PCDHA7: variants seen among roughly 807,000 people sequenced by gnomAD.
The protein encoded by PCDHA7 is protocadherin alpha 7.
In PCDHA7, 37 loss-of-function variants were observed where a neutral mutation model predicts 57.2. That is an observed-to-expected ratio of 0.65 (90% CI 0.50 to 0.85). The LOEUF is 0.85. Ranked by LOEUF, PCDHA7 falls within the 40% of genes least tolerant of loss-of-function variation. The pLI, the probability that PCDHA7 is intolerant of heterozygous loss-of-function variation, is 0.00. For missense variants in PCDHA7, 1,188 were observed against 1,241.8 expected, an observed-to-expected ratio of 0.96 and a Z score of 0.65; for synonymous variants, 553 against 558.8, an observed-to-expected ratio of 0.99 and a Z score of 0.15.
chr5:140,927,670 C>A lies in PCDHA7; in HGVS notation c.2356-51279C>A, dbSNP rs1006141153. ...GTTATTCCGAGTTCAAGCCTTGGATCCAGATGAAGGGTCCAATGGGGAAGT... is the reference window on the plus strand; with the variant it reads ...GTTATTCCGAGTTCAAGCCTTGGATACAGATGAAGGGTCCAATGGGGAAGT... On this transcript the variant is annotated intron_variant, in intron 1 of 3. Transcript: ENST00000525929. 2.5e-6 allele frequency: 4 copies of A among 1,614,166 alleles called. No homozygotes were observed. The highest frequency in any genetic ancestry group is 3.4e-6 in the Non-Finnish European group (4 of 1,180,028).
chr5:140,893,312 A>C (rs2063923388), intron 1 of PCDHA7, among the ~76,000 whole-genome samples: 1 of 152,106 alleles, frequency 6.6e-6, no homozygotes, highest in Non-Finnish European at 1.5e-5. Context: ...TAGTTTTTTG[A>C]GGGACTCCCA....
rs2150467797 is a variant in PCDHA7 at position 140,850,109 on chromosome 5, C to G, written c.2355+13371C>G. ...TGCTACAGTTCCAGGTGAGCGCGCG[C>G]GACGCGGGCGTGCCGCCTCTGGGCA... On this transcript the variant is annotated intron_variant, in intron 1 of 3. Coordinates refer to ENST00000525929, the MANE Select transcript of PCDHA7 (RefSeq NM_018910.3). 1.1e-4 allele frequency: 170 copies of G among 1,596,054 alleles called. 9 individuals are homozygous for G. Among genetic ancestry groups the G allele is most frequent in the Non-Finnish European group, 2.6e-5 (30 of 1,167,820 alleles).
chr5:140,946,199 A>G (rs1300104764), intron 1 of PCDHA7, among the ~76,000 whole-genome samples: 10 of 151,964 alleles, frequency 6.6e-5, no homozygotes, highest in Admixed American at 5.2e-4. Context: ...CTCAAAAGAA[A>G]GCACACAAAT....
chr5:140,861,303 G>A (rs1290097316), intron 1 of PCDHA7: 2 of 189,476 alleles, frequency 1.1e-5, no homozygotes, highest in Non-Finnish European at 2.2e-5. Context: ...TGTGAAGCGG[G>A]AAAGGACCAG....
intron 1 of PCDHA7, chr5:140,843,343 G>C: frequency 6.3e-7 from 1 of 1,596,112 alleles, no homozygotes; most frequent in Non-Finnish European, 8.6e-7. Flanking sequence ...AGAGCGGCCA[G>C]GCTCCAAAAG....
At chr5:140,992,153 T>C (rs191199905) in intron 3 of PCDHA7, among the ~76,000 whole-genome samples, 76 of 152,066 alleles carry the variant, frequency 5.0e-4, no homozygotes, top group African/African-American at 1.8e-3. Flanking sequence ...CTTTGCTCAA[T>C]CAAGAAGTGT....
chr5:140,921,124 G>A (rs1017756296), intron 1 of PCDHA7, among the ~76,000 whole-genome samples: 1 of 146,978 alleles, frequency 6.8e-6, no homozygotes, highest in Non-Finnish European at 1.5e-5. Flanking sequence ...AGGACTACAG[G>A]TGCACACCAC....
At chr5:140,870,423 A>G in intron 1 of PCDHA7, 2 of 1,614,178 alleles carry the variant, frequency 1.2e-6, no homozygotes, top group African/African-American at 1.3e-5. Flanking sequence ...CGGCCAGGGT[A>G]TCCGTGGAGG....
Position 140,842,571 on chromosome 5 carries a change from G to A in PCDHA7, c.2355+5833G>A, listed in dbSNP as rs2150339476. The A allele has an allele frequency of 9.3e-6, 14 of 1,508,304 alleles. No individual in the cohort carries two copies. Among genetic ancestry groups the A allele is most frequent in the Non-Finnish European group, 1.2e-5 (13 of 1,110,420 alleles). The allele number at this position is 1,508,304 out of a possible 1,614,324, so 93.4% of individuals were successfully genotyped here. On this transcript the variant is annotated intron_variant, in intron 1 of 3. Coordinates refer to ENST00000525929, the MANE Select transcript of PCDHA7 (RefSeq NM_018910.3). ...CTGGACAGCGCCCTGGACCGCGAGA[G>A]AGTGTCGGCCTATGAGTTGGTGGTA...
chr5:140,848,340 A>G, intron 1 of PCDHA7: 1 of 894,036 alleles, frequency 1.1e-6, no homozygotes, highest in Admixed American at 2.4e-5. Context: ...ATCCAGACAA[A>G]TACAGCCCTT....
In PCDHA7 at chr5:140,848,788, G is replaced by A. The variant is rs2150420579; in HGVS notation, c.2355+12050G>A. 23 of 1,593,058 alleles carry A rather than the reference G, an allele frequency of 1.4e-5. 3 individuals are homozygous for A. Among genetic ancestry groups the A allele is most frequent in the African/African-American group, 1.3e-5 (1 of 74,170 alleles). On this transcript the variant is annotated intron_variant, in intron 1 of 3. Coordinates refer to ENST00000525929, the MANE Select transcript of PCDHA7 (RefSeq NM_018910.3). ...ATCGACCGCGAGGAGCTGTGCGGGCGGAGCGCGGAGTGCAGCATCCACCTG... is the reference window on the plus strand; with the variant it reads ...ATCGACCGCGAGGAGCTGTGCGGGCAGAGCGCGGAGTGCAGCATCCACCTG...
Position 140,848,427 on chromosome 5 carries a change from A to G in PCDHA7, c.2355+11689A>G, listed in dbSNP as rs1781513413. The G allele has an allele frequency of 2.1e-6, 3 of 1,451,764 alleles. No homozygotes were observed. In the African/African-American group the frequency reaches 4.2e-5, roughly 20 times the overall value. The allele number at this position is 1,451,764 out of a possible 1,614,324, so 89.9% of individuals were successfully genotyped here. A position where few individuals can be genotyped will look rare whatever the true frequency, so the allele number is the denominator to read the frequency against. The stretch of plus-strand genomic sequence containing the variant: ...TGGCGAACACAGCAGAATGGGACTG[A>G]CGAAATCAGATGATTTCTTCTAATT... On this transcript the variant is annotated intron_variant, in intron 1 of 3. Coordinates refer to ENST00000525929, the MANE Select transcript of PCDHA7 (RefSeq NM_018910.3).
rs180868237 is a variant in PCDHA7 at position 140,870,334 on chromosome 5, G to A, written c.2355+33596G>A. 21 of 1,614,166 alleles carry A rather than the reference G, an allele frequency of 1.3e-5. No individual in the cohort carries two copies. The Admixed American group carries it at 2.3e-4, about 18-fold the overall frequency. On this transcript the variant is annotated intron_variant, in intron 1 of 3. Transcript: ENST00000525929. ...TTACTACTCGTTGGTGCTGGACAGC[G>A]CCCTGGACCGCGAGAACGTGTGGGC...
At chr5:140,980,284 T>C (rs1226756896) in intron 2 of PCDHA7, among the ~76,000 whole-genome samples, 6 of 152,182 alleles carry the variant, frequency 3.9e-5, no homozygotes, top group African/African-American at 1.4e-4. Flanking sequence ...TCTTGAAAAG[T>C]ACCAAAGCTA....
rs1347571265 is a variant in PCDHA7, at chr5:140,848,315, C to T, written c.2355+11577C>T. On this transcript the variant is annotated intron_variant, in intron 1 of 3. Transcript: ENST00000525929. ...GGCCACGTGATGTCACTCTTTGCCG[C>T]GATGTTCTCTCTGAATCCAGACAAA... is the stretch of plus-strand genomic sequence containing the variant. 5.4e-6 allele frequency: 4 copies of T among 741,056 alleles called. 1 individual carries two copies. Among genetic ancestry groups the T allele is most frequent in the East Asian group, 5.0e-5 (2 of 40,334 alleles). 45.9% of individuals were successfully genotyped at this position (741,056 alleles called of 1,614,324 possible).
rs192376340 is a variant in PCDHA7, at chr5:140,857,538, G to T, written c.2355+20800G>T. The T allele has an allele frequency of 6.9e-6, 11 of 1,597,348 alleles. No individual in the cohort carries two copies. In the East Asian group the frequency reaches 2.0e-4, roughly 29 times the overall value. On this transcript the variant is annotated intron_variant, in intron 1 of 3. Transcript: ENST00000525929. Reference sequence around the variant, plus strand: ...GTGTCCTACTCTCTGGTGGAGCGGCGGTTGGGCGAGCGCTCGCTGTCGAGC... The same window carrying T: ...GTGTCCTACTCTCTGGTGGAGCGGCTGTTGGGCGAGCGCTCGCTGTCGAGC...
At chr5:140,880,684 A>G (rs903335932) in intron 1 of PCDHA7, among the ~76,000 whole-genome samples, 27 of 152,226 alleles carry the variant, frequency 1.8e-4, no homozygotes, top group Admixed American at 1.2e-3. Flanking sequence ...TGAAGAGAAT[A>G]GTCATGGTTA....
chr5:140,890,550 C>A (rs1162286556), intron 1 of PCDHA7, among the ~76,000 whole-genome samples: 1 of 151,958 alleles, frequency 6.6e-6, no homozygotes, highest in Admixed American at 6.6e-5. Context: ...TGACTGAGTA[C>A]TTTTTATTGT....
At chr5:140,856,077 T>A in intron 1 of PCDHA7, 1 of 1,593,712 alleles carries the variant, frequency 6.3e-7, no homozygotes, top group South Asian at 1.1e-5. Flanking sequence ...TGCCTGGGGG[T>A]CCAGTGTCTG....
Sources: gnomAD v4.1 joint callset for allele counts (sites outside exome capture counted in the v4.1 genomes callset) on GRCh38, gnomAD v4.1.1 for gene constraint, MANE v1.5 for transcripts, NCBI Gene and HGNC (gene_info 2026-07-23, HGNC 2026-07-21) for gene names.